Variants in ATP2C1 observed in about 807,000 individuals in gnomAD.
The protein encoded by ATP2C1 is ATPase secretory pathway Ca2+ transporting 1, also known as calcium-transporting ATPase type 2C member 1.
Under a neutral mutation model 120.5 loss-of-function variants are expected in ATP2C1, and 31 were observed. The ratio of observed to expected loss-of-function variants is 0.26; its 90% CI spans 0.19 to 0.35. ATP2C1 has a LOEUF of 0.35. Ranked by LOEUF, ATP2C1 falls within the 10% of genes least tolerant of loss-of-function variation. ATP2C1 has a pLI of 1.00. For missense variants in ATP2C1, 731 were observed against 1,107.5 expected (o/e 0.66, Z 4.83); for synonymous variants, 351 against 358.7 (o/e 0.98, Z 0.24).
At chr3:130,999,442 A>G (rs755284628) in intron 26 of ATP2C1, 76 bp from the exon 27 acceptor site, 17 of 1,473,790 alleles carry the variant, frequency 1.2e-5, no homozygotes, top group African/African-American at 1.4e-5. Flanking sequence ...GCTTGTTAAA[A>G]ATTAGAAGTG....
At chr3:130,943,924 A>G (rs918630681) in intron 8 of ATP2C1, among the ~76,000 whole-genome samples, 3 of 152,196 alleles carry the variant, frequency 2.0e-5, no homozygotes, top group African/African-American at 7.2e-5. Context: ...AAATTGGCTT[A>G]TTGGAGTTTT....
rs775783154 is a variant in ATP2C1 at position 130,894,727 on chromosome 3, A to T, written c.-43A>T. 6.2e-7 allele frequency: 1 copy of T among 1,614,098 alleles called. No homozygotes were observed. The highest frequency in any genetic ancestry group is 8.5e-7 in the Non-Finnish European group (1 of 1,179,978). On this transcript the variant is annotated 5_prime_UTR_variant, in exon 2 of 28. Transcript: ENST00000510168. This position sits in a 1 kb window ranked among gnomAD's most constrained non-coding sequence, Gnocchi z 4.5. ...TCCCAGTGTGGCCGTGGCTGACACTAAAGACTTTGTAGCCATCAACCCGAG... is the reference window on the plus strand; with the variant it reads ...TCCCAGTGTGGCCGTGGCTGACACTTAAGACTTTGTAGCCATCAACCCGAG...
intron 14 of ATP2C1, among the ~76,000 whole-genome samples, chr3:130,965,549 G>A (rs1051618523): frequency 6.6e-5 from 10 of 152,052 alleles, no homozygotes; most frequent in Admixed American, 3.3e-4. Context: ...TCTCAAAGCC[G>A]TACATGTTCT....
At chr3:130,952,080 A>C (rs1292606817) in intron 8 of ATP2C1, among the ~76,000 whole-genome samples, 1 of 152,140 alleles carries the variant, frequency 6.6e-6, no homozygotes, top group Non-Finnish European at 1.5e-5. Context: ...TGGAGCTCTC[A>C]GGTCTGTCAG....
intron 18 of ATP2C1, among the ~76,000 whole-genome samples, chr3:130,977,772 C>T (rs768869847): frequency 6.6e-6 from 1 of 152,242 alleles, no homozygotes; most frequent in Middle Eastern, 3.4e-3. Flanking sequence ...TCTTCTTTAT[C>T]TACCCTTGTG....
At chr3:130,970,742 A>G (rs1400852142) in intron 17 of ATP2C1, among the ~76,000 whole-genome samples, 3 of 152,096 alleles carry the variant, frequency 2.0e-5, no homozygotes, top group African/African-American at 7.2e-5. Flanking sequence ...AGTTGGTTAT[A>G]TGTTTTTACC....
At chr3:130,881,660 TA>T (rs1283990547) in intron 1 of ATP2C1, among the ~76,000 whole-genome samples, 1 of 152,256 alleles carries the variant, frequency 6.6e-6, no homozygotes, top group Non-Finnish European at 1.5e-5. Context: ...CATGGACATT[TA>T]AAAATATTAA....
chr3:130,916,268 T>G (rs932890838), intron 2 of ATP2C1, among the ~76,000 whole-genome samples: 7 of 150,196 alleles, frequency 4.7e-5, no homozygotes, highest in African/African-American at 1.7e-4. Flanking sequence ...AACAAAAAAT[T>G]AGCCAGGCAT....
intron 5 of ATP2C1, 119 bp downstream of exon 5, chr3:130,934,830 C>A: frequency 1.4e-6 from 1 of 727,914 alleles, no homozygotes; most frequent in Non-Finnish European, 2.4e-6. Context: ...CCAAATTCTG[C>A]TTTTATTTTA....
chr3:130,972,781 A>C (rs1342239648), intron 17 of ATP2C1, among the ~76,000 whole-genome samples: 1 of 151,800 alleles, frequency 6.6e-6, no homozygotes, highest in African/African-American at 2.4e-5. Flanking sequence ...ATGTCCCTAC[A>C]AAGGACATGA....
At chr3:130,957,930 A>G (rs1157560241) in intron 11 of ATP2C1, among the ~76,000 whole-genome samples, 1 of 152,234 alleles carries the variant, frequency 6.6e-6, no homozygotes, top group Admixed American at 6.5e-5. Context: ...CATTGTAAAC[A>G]TAAAGTAGAA....
At chr3:130,924,212 A>G (rs563144831) in intron 2 of ATP2C1, among the ~76,000 whole-genome samples, 1 of 150,294 alleles carries the variant, frequency 6.7e-6, no homozygotes, top group South Asian at 2.1e-4. Flanking sequence ...AGGAAGTTCC[A>G]TTTTGGTGTA....
chr3:130,989,209 T>C lies in ATP2C1; in HGVS notation c.1840-3742T>C, dbSNP rs1372484006. ...AGGTAGTGAGCCGAGATTGCGCCAC[T>C]GCACTCCAGCCTGGGCTACAAGAGC... is the stretch of plus-strand genomic sequence containing the variant. On this transcript the variant is annotated intron_variant, in intron 20 of 27. Coordinates refer to ENST00000510168, the MANE Select transcript of ATP2C1 (RefSeq NM_001378687.1). Among the ~76,000 whole-genome samples the C allele has an allele frequency of 2.1e-5, 3 of 142,036 alleles. No individual in the cohort carries two copies. In the Admixed American group the frequency reaches 2.2e-4, roughly 10 times the overall value. The allele number at this position is 142,036 out of a possible 152,430, so 93.2% of individuals were successfully genotyped here. A position where few individuals can be genotyped will look rare whatever the true frequency, so the allele number is the denominator to read the frequency against.
chr3:130,984,400 A>T (rs1426818628), intron 20 of ATP2C1, among the ~76,000 whole-genome samples: 1 of 152,164 alleles, frequency 6.6e-6, no homozygotes, highest in Non-Finnish European at 1.5e-5. Flanking sequence ...CCGTTAACAT[A>T]TATTGCTGAA....
At chr3:130,902,460 T>G (rs1388968200) in intron 2 of ATP2C1, among the ~76,000 whole-genome samples, 2 of 151,954 alleles carry the variant, frequency 1.3e-5, no homozygotes, top group Admixed American at 6.6e-5. Flanking sequence ...GTATTTAGTG[T>G]TCACCTAGCA....
At chr3:130,993,099 C>A in intron 21 of ATP2C1, 98 bp downstream of exon 21, 2 of 1,030,820 alleles carry the variant, frequency 1.9e-6, no homozygotes, top group South Asian at 1.3e-5. Context: ...GCATCAAGGT[C>A]AGAAATACTG....
intron 8 of ATP2C1, among the ~76,000 whole-genome samples, chr3:130,951,738 A>T (rs562516603): frequency 6.6e-6 from 1 of 152,324 alleles, no homozygotes; most frequent in South Asian, 2.1e-4. Flanking sequence ...TTGTATACAC[A>T]ATTAATGTTA....
chr3:130,863,796 C>T (rs2068086580), intron 1 of ATP2C1, among the ~76,000 whole-genome samples: 1 of 152,190 alleles, frequency 6.6e-6, no homozygotes, highest in South Asian at 2.1e-4. Context: ...CTCATTTTCT[C>T]TTGCTGCTGC....
chr3:130,872,022 CAAAA>C (rs11347303), intron 1 of ATP2C1, among the ~76,000 whole-genome samples: 8 of 117,544 alleles, frequency 6.8e-5, no homozygotes, highest in African/African-American at 9.3e-5. Flanking sequence ...AACTCTGTCT[CAAAA>C]AAAAAAAAAA....
Sources: gnomAD v4.1 joint callset for allele counts (sites outside exome capture counted in the v4.1 genomes callset) on GRCh38, gnomAD v4.1.1 for gene constraint, Gnocchi (gnomAD v3.1) non-coding constraint, MANE v1.5 for transcripts, NCBI Gene and HGNC (gene_info 2026-07-23, HGNC 2026-07-21) for gene names.